CACNB4: variants seen among roughly 807,000 people sequenced by gnomAD.
CACNB4 encodes the protein voltage-dependent L-type calcium channel subunit beta-4.
In CACNB4, 32 loss-of-function variants were observed where a neutral mutation model predicts 71.2. The observed-to-expected ratio is 0.45, with a 90% CI of 0.34 to 0.60. The LOEUF (loss-of-function observed/expected upper bound fraction) is 0.60, where lower values mean the gene tolerates loss of function less well. CACNB4 is among the 20% of genes least tolerant of loss of function. CACNB4 has a pLI of 0.01. For missense variants in CACNB4, 464 were observed against 647.9 expected (o/e 0.72, Z 3.08); for synonymous variants, 231 against 236.9 (o/e 0.97, Z 0.23).
intron 2 of CACNB4, chr2:151,968,342 AAC>A (rs1284540540): frequency 6.6e-6 from 1 of 152,244 alleles, no homozygotes; most frequent in Non-Finnish European, 1.5e-5. Flanking sequence ...TGTAGATGAG[AAC>A]ACAGAGCCTA....
At chr2:151,864,061 T>C (rs1287265247) in intron 9 of CACNB4, among the ~76,000 whole-genome samples, 2 of 152,238 alleles carry the variant, frequency 1.3e-5, no homozygotes, top group South Asian at 2.1e-4. Context: ...TATATACTTT[T>C]TTTAACTTAA....
At position 151,837,914 on chromosome 2, in the gene CACNB4, T is replaced by C. The variant is rs1407432520; in HGVS notation, c.*1205A>G. 6.6e-6 allele frequency: 1 copy of C among 152,216 alleles called. No individual in the cohort carries two copies. The highest frequency in any genetic ancestry group is 1.5e-5 in the Non-Finnish European group (1 of 68,014). The allele number at this position is 152,216 out of a possible 1,614,324, so 9.4% of individuals were successfully genotyped here. A position where few individuals can be genotyped will look rare whatever the true frequency, so the allele number is the denominator to read the frequency against. ...CTGCAAGCTTTTAAAATCATTTGTT[T>C]CAACTTTTTTCAATTAGTCATTTTG... On this transcript the variant is annotated 3_prime_UTR_variant, in exon 14 of 14. Transcript: ENST00000539935.
At chr2:151,848,922 T>A (rs1407856185) in intron 12 of CACNB4, among the ~76,000 whole-genome samples, 1 of 152,112 alleles carries the variant, frequency 6.6e-6, no homozygotes, top group African/African-American at 2.4e-5. Flanking sequence ...AAAAAGAATA[T>A]CAATACTTGG....
At chr2:152,001,156 C>G (rs1682373231) in intron 2 of CACNB4, among the ~76,000 whole-genome samples, 1 of 152,126 alleles carries the variant, frequency 6.6e-6, no homozygotes, top group Non-Finnish European at 1.5e-5. Flanking sequence ...AGTCAGGATT[C>G]AAACCTAGGA....
intron 2 of CACNB4, among the ~76,000 whole-genome samples, chr2:152,052,363 T>A (rs1170266656): frequency 2.0e-5 from 3 of 152,154 alleles, no homozygotes; most frequent in Non-Finnish European, 4.4e-5. Flanking sequence ...TACAGTGGCG[T>A]GATCTCGGCT....
intron 2 of CACNB4, among the ~76,000 whole-genome samples, chr2:151,891,388 G>A (rs910807020): frequency 6.6e-6 from 1 of 152,182 alleles, no homozygotes; most frequent in African/African-American, 2.4e-5. Flanking sequence ...AAACTGAGAT[G>A]TGAGCTACAA....
At chr2:152,003,667 T>A (rs535432817) in intron 2 of CACNB4, among the ~76,000 whole-genome samples, 1 of 152,138 alleles carries the variant, frequency 6.6e-6, no homozygotes, top group African/African-American at 2.4e-5. Context: ...AAACCTCTCT[T>A]CGTTTTCCAG....
intron 2 of CACNB4, among the ~76,000 whole-genome samples, chr2:152,096,942 C>T (rs1328970027): frequency 6.6e-6 from 1 of 152,144 alleles, no homozygotes; most frequent in Non-Finnish European, 1.5e-5. Context: ...TAAAAATAGG[C>T]ACCTACAAAA....
intron 2 of CACNB4, among the ~76,000 whole-genome samples, chr2:151,921,884 C>T (rs553529706): frequency 6.6e-6 from 1 of 152,152 alleles, no homozygotes; most frequent in East Asian, 1.9e-4. Context: ...CCTTCCCCTT[C>T]GCCTTCCGCC....
intron 2 of CACNB4, among the ~76,000 whole-genome samples, chr2:151,943,107 T>C (rs1560039736): frequency 6.7e-6 from 1 of 150,226 alleles, no homozygotes; most frequent in Non-Finnish European, 1.5e-5. Flanking sequence ...TTGAAACCCT[T>C]AATAAAAAAC....
chr2:152,089,116 C>T lies in CACNB4; in HGVS notation c.147+9214G>A, dbSNP rs571638476. 3.2e-3 allele frequency among the ~76,000 whole-genome samples: 481 copies of T among 152,302 alleles called. 3 individuals are homozygous for T. Among genetic ancestry groups the T allele is most frequent in the African/African-American group, 0.011 (466 of 41,562 alleles). ...CACATGGTTAAATCCATGTGAAATT[C>T]CTGATGTGTCCATGTAGTCAAGTTC... is the stretch of plus-strand genomic sequence containing the variant. On this transcript the variant is annotated intron_variant, in intron 2 of 13. Coordinates refer to ENST00000539935, the MANE Select transcript of CACNB4 (RefSeq NM_000726.5).
At chr2:152,011,323 G>A (rs1204421936) in intron 2 of CACNB4, among the ~76,000 whole-genome samples, 1 of 152,090 alleles carries the variant, frequency 6.6e-6, no homozygotes, top group Non-Finnish European at 1.5e-5. Flanking sequence ...CAAGAAACAC[G>A]GTGCCTTGAT....
chr2:151,863,609 A>G (rs2099842315), intron 9 of CACNB4, among the ~76,000 whole-genome samples: 1 of 152,202 alleles, frequency 6.6e-6, no homozygotes, highest in African/African-American at 2.4e-5. Context: ...CTAGTTCTAT[A>G]CAAACAAGAG....
chr2:152,015,726 T>G (rs1430623039), intron 2 of CACNB4, among the ~76,000 whole-genome samples: 1 of 152,222 alleles, frequency 6.6e-6, no homozygotes, highest in Non-Finnish European at 1.5e-5. Flanking sequence ...AGAGCGAAGA[T>G]GACAGAGAGA....
At chr2:152,016,388 A>C (rs1683344849) in intron 2 of CACNB4, among the ~76,000 whole-genome samples, 2 of 152,260 alleles carry the variant, frequency 1.3e-5, no homozygotes. Flanking sequence ...TTGCCATAGA[A>C]ACCAGTAGAC....
rs1211155458 is a variant in CACNB4, at chr2:151,837,348, GA to G, written c.*1770del. 2 of 152,018 alleles carry G rather than the reference GA, an allele frequency of 1.3e-5. No homozygotes were observed. The highest frequency in any genetic ancestry group is 4.8e-5 in the African/African-American group (2 of 41,436). 9.4% of individuals were successfully genotyped at this position (152,018 alleles called of 1,614,324 possible). A position where few individuals can be genotyped will look rare whatever the true frequency, so the allele number is the denominator to read the frequency against. ...CAAACACTGAACATAAATGCAGGGG[GA>G]TGTGGTGAGGTTGTAATGGGGTTCA... On this transcript the variant is annotated 3_prime_UTR_variant, in exon 14 of 14. Coordinates refer to ENST00000539935, the MANE Select transcript of CACNB4 (RefSeq NM_000726.5).
intron 2 of CACNB4, among the ~76,000 whole-genome samples, chr2:151,885,513 C>T (rs2099849139): frequency 6.6e-6 from 1 of 152,184 alleles, no homozygotes; most frequent in Admixed American, 6.6e-5. Context: ...AATAAATCAA[C>T]TTTTCATCCT....
Position 152,058,747 on chromosome 2 carries a change from G to A in CACNB4, c.147+39583C>T, listed in dbSNP as rs193077791. On this transcript the variant is annotated intron_variant, in intron 2 of 13. Coordinates refer to ENST00000539935, the MANE Select transcript of CACNB4 (RefSeq NM_000726.5). The stretch of plus-strand genomic sequence containing the variant: ...CAGAAATTGGCATAAGTAACCAGGA[G>A]TCCAGTGTTAATATCAACAGAATGT... 1.3e-3 allele frequency among the ~76,000 whole-genome samples: 200 copies of A among 152,368 alleles called. 1 individual carries two copies. Among genetic ancestry groups the A allele is most frequent in the Middle Eastern group, 3.4e-3 (1 of 294 alleles).
intron 2 of CACNB4, among the ~76,000 whole-genome samples, chr2:151,892,792 G>C (rs776954307): frequency 1.3e-5 from 2 of 152,182 alleles, no homozygotes; most frequent in African/African-American, 2.4e-5. Flanking sequence ...CAATGAGATG[G>C]CTTCAGGGGG....
Sources: allele counts gnomAD v4.1 joint callset (sites outside exome capture counted in the v4.1 genomes callset), GRCh38; gene constraint gnomAD v4.1.1; transcripts MANE v1.5; gene names NCBI Gene and HGNC (gene_info 2026-07-23, HGNC 2026-07-21).